Variants in PRKN observed in about 807,000 individuals in gnomAD.
The protein encoded by PRKN is parkin RBR E3 ubiquitin protein ligase, also known as E3 ubiquitin-protein ligase parkin.
PRKN carries 56 observed loss-of-function variants against 59.5 expected under a neutral mutation model. That is an observed-to-expected ratio of 0.94 (90% confidence interval 0.76 to 1.18). The LOEUF (loss-of-function observed/expected upper bound fraction) is 1.18. Ranked by LOEUF, PRKN falls within the 50% of genes most tolerant of loss-of-function variation. PRKN has a pLI of 0.00. For missense variants in PRKN, 657 were observed against 596.4 expected (o/e 1.10, Z -1.06); for synonymous variants, 250 against 222.1 (o/e 1.13, Z -1.12).
rs1778183803 is a variant in PRKN at position 162,226,416 on chromosome 6, C to T, written c.413-25164G>A. ...GCACTGTAATGGGAAAGGCCCACAA[C>T]AAGCATGAAACCAGTCCTCACGAGC... On this transcript the variant is annotated intron_variant, in intron 3 of 11. Transcript: ENST00000366898. Among the ~76,000 whole-genome samples the T allele has an allele frequency of 2.0e-5, 3 of 152,298 alleles. No individual in the cohort carries two copies. The South Asian group carries it at 6.2e-4, about 32-fold the overall frequency.
At position 161,665,461 on chromosome 6, in the gene PRKN, T is replaced by G. The variant is rs766340839; in HGVS notation, c.872-96045A>C. On this transcript the variant is annotated intron_variant, in intron 7 of 11. Coordinates refer to ENST00000366898, the MANE Select transcript of PRKN (RefSeq NM_004562.3). ...CTATTTCCATGTGGATGACAGGAGA[T>G]AATGTCCAACATCTTCTACCCCTAC... Among the ~76,000 whole-genome samples the G allele has an allele frequency of 3.5e-4, 53 of 152,352 alleles. No individual in the cohort carries two copies. The South Asian group carries it at 3.7e-3, about 11-fold the overall frequency.
intron 1 of PRKN, among the ~76,000 whole-genome samples, chr6:162,460,554 G>A (rs567219793): frequency 2.1e-4 from 32 of 152,194 alleles, no homozygotes; most frequent in African/African-American, 5.5e-4. Context: ...TATCTCCTCC[G>A]CTGTCCCTCC....
At chr6:161,476,189 G>GA (rs11418009) in intron 9 of PRKN, among the ~76,000 whole-genome samples, 35,561 of 142,754 alleles carry the variant, frequency 0.25, 4,834 homozygotes, top group African/African-American at 0.39. Context: ...TCTGTCTCAG[G>GA]AAAAAAAAAA....
intron 4 of PRKN, among the ~76,000 whole-genome samples, chr6:162,077,700 T>A (rs1778885247): frequency 6.6e-6 from 1 of 151,954 alleles, no homozygotes; most frequent in African/African-American, 2.4e-5. Context: ...TTCTTTAAAA[T>A]GTTTATTTTT....
rs151241543 is a variant in PRKN, at chr6:161,550,188, G to T, written c.934-1185C>A. On this transcript the variant is annotated intron_variant, in intron 8 of 11. Transcript: ENST00000366898. The surrounding 1 kb of genome is among the most constrained non-coding windows in gnomAD (Gnocchi z 4.0). The stretch of plus-strand genomic sequence containing the variant: ...GTTGGCTGTTCAGGGTACAACAAGG[G>T]GGGCAGTGGGGCGGAGGCAGAGAGA... Among the ~76,000 whole-genome samples the T allele has an allele frequency of 6.6e-6, 1 of 152,164 alleles. No homozygotes were observed. The highest frequency in any genetic ancestry group is 2.4e-5 in the African/African-American group (1 of 41,436).
chr6:162,183,337 C>G (rs1431319984), intron 4 of PRKN, among the ~76,000 whole-genome samples: 1 of 152,186 alleles, frequency 6.6e-6, no homozygotes, highest in Non-Finnish European at 1.5e-5. Flanking sequence ...TGAGAGACAG[C>G]TGCTACTGAC....
intron 2 of PRKN, among the ~76,000 whole-genome samples, chr6:162,270,450 C>G (rs1780325852): frequency 6.6e-6 from 1 of 152,112 alleles, no homozygotes; most frequent in South Asian, 2.1e-4. Context: ...CAGGATCTCA[C>G]AAATCACCAC....
intron 4 of PRKN, among the ~76,000 whole-genome samples, chr6:162,073,294 T>C (rs931460125): frequency 1.1e-4 from 17 of 152,370 alleles, no homozygotes; most frequent in African/African-American, 4.1e-4. Flanking sequence ...CTGCAGCTGC[T>C]GTTGGCCTCA....
intron 5 of PRKN, among the ~76,000 whole-genome samples, chr6:162,016,973 A>G (rs1047153756): frequency 2.0e-5 from 3 of 152,136 alleles, no homozygotes; most frequent in Non-Finnish European, 2.9e-5. Context: ...ACTTCCACTC[A>G]GTCAACTGTG....
At chr6:161,387,218 C>T (rs576295391) in intron 9 of PRKN, among the ~76,000 whole-genome samples, 1 of 152,284 alleles carries the variant, frequency 6.6e-6, no homozygotes, top group East Asian at 1.9e-4. Flanking sequence ...CCCCATGTGT[C>T]ATGGGAAAGA....
intron 1 of PRKN, among the ~76,000 whole-genome samples, chr6:162,505,332 G>A (rs1237603404): frequency 6.6e-6 from 1 of 152,142 alleles, no homozygotes; most frequent in Non-Finnish European, 1.5e-5. Flanking sequence ...TTGTGGTAGT[G>A]TCATAAAAAG....
At chr6:161,474,226 C>T (rs1269573289) in intron 9 of PRKN, among the ~76,000 whole-genome samples, 2 of 152,156 alleles carry the variant, frequency 1.3e-5, no homozygotes, top group Admixed American at 6.5e-5. Context: ...GGCTACTCCA[C>T]GGAAGTGCCC....
chr6:162,444,939 T>G (rs549828226), intron 1 of PRKN, among the ~76,000 whole-genome samples: 1 of 152,308 alleles, frequency 6.6e-6, no homozygotes, highest in African/African-American at 2.4e-5. Flanking sequence ...ACTATCGTCT[T>G]GTAACATTTA....
chr6:162,054,216 T>C (rs774409433), intron 4 of PRKN, 42 bp from the exon 5 acceptor site: 19 of 1,157,914 alleles, frequency 1.6e-5, no homozygotes, highest in Admixed American at 1.2e-4. Context: ...TGAGTTATAA[T>C]AGAAATGTAC....
At chr6:162,675,578 T>A (rs1168875409) in intron 1 of PRKN, among the ~76,000 whole-genome samples, 1 of 152,082 alleles carries the variant, frequency 6.6e-6, no homozygotes, top group Non-Finnish European at 1.5e-5. Flanking sequence ...AAGTATGATA[T>A]CTAAAATAAC....
At chr6:161,963,499 G>T (rs948466706) in intron 6 of PRKN, among the ~76,000 whole-genome samples, 6 of 152,172 alleles carry the variant, frequency 3.9e-5, no homozygotes, top group African/African-American at 1.2e-4. Context: ...TACCAGTGGG[G>T]ATAAAATATT....
chr6:161,537,730 C>T (rs531467357), intron 9 of PRKN, among the ~76,000 whole-genome samples: 131 of 152,298 alleles, frequency 8.6e-4, no homozygotes, highest in Admixed American at 4.6e-4. Flanking sequence ...GGATTACAGG[C>T]GTGAGCCACT....
At chr6:162,261,402 C>T (rs977575982) in intron 3 of PRKN, among the ~76,000 whole-genome samples, 20 of 152,004 alleles carry the variant, frequency 1.3e-4, no homozygotes, top group Non-Finnish European at 1.9e-4. Context: ...TGGAATTTTC[C>T]ATTGTTTGGT....
At chr6:162,017,414 A>G (rs902852135) in intron 5 of PRKN, among the ~76,000 whole-genome samples, 1 of 152,208 alleles carries the variant, frequency 6.6e-6, no homozygotes, top group East Asian at 1.9e-4. Context: ...GGCATGTGGC[A>G]TGGTGCCTGA....
Sources: allele counts gnomAD v4.1 joint callset (sites outside exome capture counted in the v4.1 genomes callset), GRCh38; gene constraint gnomAD v4.1.1; non-coding constraint Gnocchi (gnomAD v3.1); transcripts MANE v1.5; gene names NCBI Gene and HGNC (gene_info 2026-07-23, HGNC 2026-07-21).